The following WDFY3 variants were observed in gnomAD, a reference collection of about 807,000 sequenced individuals.
The protein encoded by WDFY3 is WD repeat and FYVE domain containing 3.
Under a neutral mutation model 409.6 loss-of-function variants are expected in WDFY3, and 66 were observed. That is an observed-to-expected ratio of 0.16 (90% CI 0.13 to 0.20). The LOEUF is 0.20. Among genes scored for constraint, WDFY3 ranks in the 10% least tolerant of loss-of-function variants. The probability of loss-of-function intolerance (pLI) is 1.00; values close to 1 mark genes in which losing one functional copy is unlikely to be tolerated. For missense variants in WDFY3, 3,031 were observed against 4,298.1 expected (o/e 0.71, Z 8.24); for synonymous variants, 1,521 against 1,537.1 (o/e 0.99, Z 0.25).
intron 45 of WDFY3, 54 bp from the exon 46 acceptor site, chr4:84,724,648 G>C: frequency 6.4e-7 from 1 of 1,572,062 alleles, no homozygotes; most frequent in South Asian, 1.2e-5. Flanking sequence ...GAATTAAAAC[G>C]TAATATTCTT....
chr4:84,763,536 TTAAAG>T (rs1315936873), intron 32 of WDFY3, among the ~76,000 whole-genome samples: 1 of 151,170 alleles, frequency 6.6e-6, no homozygotes, highest in Non-Finnish European at 1.5e-5. Flanking sequence ...ATCCCAGAAA[TTAAAG>T]TAAAATTTTA....
rs113641592 is a variant in WDFY3 at position 84,741,878 on chromosome 4, C to G, written c.6117G>C (p.Gln2039His). Residue 2039 changes from glutamine to histidine, a missense_variant, in exon 38 of 68, where the codon CAG becomes CAC. Gln to His is a conservative substitution (Grantham distance 24, BLOSUM62 0). Transcript: ENST00000295888. ...SLPITSGGSY[Q>H]VLVNNVFYFT... Reference sequence around the variant, plus strand: ...AATAAAACACATTGTTCACCAATACCTGGTAGCTTCCTCCACTGGTAATAG... The same window carrying G: ...AATAAAACACATTGTTCACCAATACGTGGTAGCTTCCTCCACTGGTAATAG... The G allele has an allele frequency of 1.4e-5, 22 of 1,610,474 alleles. No homozygotes were observed. The highest frequency in any genetic ancestry group is 1.9e-5 in the Non-Finnish European group (22 of 1,177,396).
Position 84,786,055 on chromosome 4 carries a change from A to T in WDFY3, c.3986T>A (p.Leu1329His). 1 of 1,614,056 alleles carries T rather than the reference A, an allele frequency of 6.2e-7. No homozygotes were observed. Among genetic ancestry groups the T allele is most frequent in the Non-Finnish European group, 8.5e-7 (1 of 1,179,962 alleles). Residue 1329 changes from leucine to histidine, a missense_variant, in exon 24 of 68, where the codon CTC (leucine) becomes CAC (histidine). This residue lies in a region of WDFY3 where 1,322 missense variants were observed against 1,697.9 expected (regional missense o/e 0.78). Transcript: ENST00000295888. ...EEKVSFGLYA[L>H]SVSSLTVARI... The stretch of plus-strand genomic sequence containing the variant: ...TGCCACTGTTAGAGACGACACAGAG[A>T]GTGCATAGAGGCCAAATGACACTTT...
intron 40 of WDFY3, among the ~76,000 whole-genome samples, chr4:84,737,845 C>G (rs902978413): frequency 2.6e-5 from 4 of 152,148 alleles, no homozygotes; most frequent in African/African-American, 4.8e-5. Context: ...GACCAGTCGG[C>G]CCTCAGCAAT....
At chr4:84,950,753 G>A (rs921394269) in intron 1 of WDFY3, among the ~76,000 whole-genome samples, 4 of 152,154 alleles carry the variant, frequency 2.6e-5, no homozygotes, top group African/African-American at 9.7e-5. Flanking sequence ...TAGCATCACT[G>A]CACTCCAGCC....
intron 57 of WDFY3, 41 bp downstream of exon 57, chr4:84,696,691 A>C: frequency 1.3e-6 from 2 of 1,593,912 alleles, no homozygotes; most frequent in Non-Finnish European, 1.7e-6. Flanking sequence ...TTCAATGACC[A>C]AATGAAATTC....
intron 5 of WDFY3, among the ~76,000 whole-genome samples, chr4:84,843,458 G>A (rs966014895): frequency 1.3e-5 from 2 of 152,034 alleles, no homozygotes; most frequent in African/African-American, 4.8e-5. Context: ...TGGAGTGCAC[G>A]ATCACGGCTT....
chr4:84,878,729 T>C (rs549683996), intron 3 of WDFY3, among the ~76,000 whole-genome samples: 2 of 152,308 alleles, frequency 1.3e-5, no homozygotes, highest in Admixed American at 6.5e-5. Flanking sequence ...TCATCATACA[T>C]CACGTGTTAC....
At chr4:84,842,493 G>GTA (rs960132340) in intron 5 of WDFY3, among the ~76,000 whole-genome samples, 2 of 142,826 alleles carry the variant, frequency 1.4e-5, no homozygotes, top group Non-Finnish European at 3.1e-5. Flanking sequence ...AAAAAAAGAA[G>GTA]TAAGTCTAAT....
intron 2 of WDFY3, among the ~76,000 whole-genome samples, chr4:84,917,576 A>G (rs1371887636): frequency 6.6e-6 from 1 of 152,192 alleles, no homozygotes; most frequent in Non-Finnish European, 1.5e-5. Context: ...ACTGCAGGAC[A>G]AGGATAAATA....
At chr4:84,786,534 C>A (rs1747582161) in intron 23 of WDFY3, among the ~76,000 whole-genome samples, 1 of 152,178 alleles carries the variant, frequency 6.6e-6, no homozygotes, top group Non-Finnish European at 1.5e-5. Flanking sequence ...CTCAGATATG[C>A]CTGCCTGTAT....
chr4:84,695,513 G>GAT (rs1163367289), intron 58 of WDFY3, among the ~76,000 whole-genome samples: 3,127 of 110,818 alleles, frequency 0.028, 89 homozygotes, highest in African/African-American at 0.12. Flanking sequence ...GAGAGATAGA[G>GAT]AGAGAGAGAG....
chr4:84,803,283 A>C lies in WDFY3; in HGVS notation c.2607+7T>G, dbSNP rs775935387. 1.5e-5 allele frequency: 24 copies of C among 1,598,608 alleles called. 1 individual carries two copies. The highest frequency in any genetic ancestry group is 3.3e-4 in the Middle Eastern group (2 of 5,998). ...AGACGGGAAGGAACTAACATATTCA[A>C]GCTTACTTCTGGCTGTGTCACTGAC... On this transcript the variant is annotated splice_region_variant and intron_variant, in intron 16 of 67. Coordinates refer to ENST00000295888, the MANE Select transcript of WDFY3 (RefSeq NM_014991.6).
intron 5 of WDFY3, among the ~76,000 whole-genome samples, chr4:84,845,478 A>G (rs2150067055): frequency 6.6e-6 from 1 of 152,352 alleles, no homozygotes; most frequent in East Asian, 1.9e-4. Flanking sequence ...CATGTAAGAC[A>G]CAAAAAGCTC....
intron 3 of WDFY3, among the ~76,000 whole-genome samples, chr4:84,894,643 C>T (rs780180069): frequency 6.6e-5 from 10 of 151,890 alleles, no homozygotes; most frequent in Non-Finnish European, 1.5e-4. Flanking sequence ...AAAAATTAGC[C>T]GGGCATGGGG....
chr4:84,764,110 A>T (rs1186673852), intron 32 of WDFY3, among the ~76,000 whole-genome samples: 2 of 152,186 alleles, frequency 1.3e-5, no homozygotes, highest in South Asian at 4.1e-4. Context: ...ATGAGATGAT[A>T]TATGTGAACT....
At chr4:84,683,826 C>T in intron 63 of WDFY3, 117 bp downstream of exon 63, 3 of 1,092,616 alleles carry the variant, frequency 2.7e-6, no homozygotes, top group East Asian at 2.5e-5. Context: ...TGAGCTGGAG[C>T]GAGAGTTCAC....
intron 15 of WDFY3, among the ~76,000 whole-genome samples, chr4:84,804,331 T>A (rs1751154149): frequency 6.6e-6 from 1 of 152,210 alleles, no homozygotes; most frequent in African/African-American, 2.4e-5. Flanking sequence ...TGCTGAGCTC[T>A]GTCACAGAGA....
chr4:84,763,537 T>A (rs1163711223), intron 32 of WDFY3, among the ~76,000 whole-genome samples: 2 of 151,476 alleles, frequency 1.3e-5, no homozygotes, highest in Non-Finnish European at 2.9e-5. Flanking sequence ...TCCCAGAAAT[T>A]AAAGTAAAAT....
Sources: gnomAD v4.1 joint callset for allele counts (sites outside exome capture counted in the v4.1 genomes callset) on GRCh38, gnomAD v4.1.1 for gene constraint, gnomAD v4.1.1 regional missense constraint, MANE v1.5 for transcripts, NCBI Gene and HGNC (gene_info 2026-07-23, HGNC 2026-07-21) for gene names.